RNF8: variants seen among roughly 807,000 people sequenced by gnomAD.
RNF8 encodes the protein E3 ubiquitin-protein ligase RNF8.
RNF8 carries 8 observed loss-of-function variants against 59.3 expected under a neutral mutation model. That is an observed-to-expected ratio of 0.13 (90% confidence interval 0.08 to 0.24). The LOEUF is 0.24. RNF8 is among the 10% of genes least tolerant of loss of function. The probability of loss-of-function intolerance (pLI) is 1.00; values close to 1 mark genes in which losing one functional copy is unlikely to be tolerated. For missense variants in RNF8, 406 were observed against 572.6 expected, an observed-to-expected ratio of 0.71 and a Z score of 2.97; for synonymous variants, 162 against 200.0, an observed-to-expected ratio of 0.81 and a Z score of 1.60.
chr6:37,359,289 A>T (rs923699686), intron 1 of RNF8: 3 of 430,794 alleles, frequency 7.0e-6, no homozygotes, highest in Non-Finnish European at 1.4e-5. Flanking sequence ...TGGATAAGAC[A>T]GAGAATATGT....
At chr6:37,384,264 C>T (rs1187293715) in intron 7 of RNF8, among the ~76,000 whole-genome samples, 1 of 151,980 alleles carries the variant, frequency 6.6e-6, no homozygotes, top group East Asian at 1.9e-4. Flanking sequence ...CCTCAGCCTC[C>T]TGGGTAGCTA....
At chr6:37,382,395 G>A (rs923559916) in intron 7 of RNF8, among the ~76,000 whole-genome samples, 10 of 152,198 alleles carry the variant, frequency 6.6e-5, no homozygotes, top group African/African-American at 2.2e-4. Flanking sequence ...GGCATGAGAA[G>A]CAGTGACCTG....
At chr6:37,358,832 C>G (rs954731707) in intron 1 of RNF8, among the ~76,000 whole-genome samples, 57 of 152,242 alleles carry the variant, frequency 3.7e-4, no homozygotes, top group African/African-American at 1.3e-3. Flanking sequence ...CGCGGTGGCT[C>G]ACACCTGTAA....
At position 37,355,392 on chromosome 6, in the gene RNF8, T is replaced by C. The variant is rs116146155; in HGVS notation, c.111+1117T>C. Among the ~76,000 whole-genome samples, 227 of 152,336 alleles carry C rather than the reference T, an allele frequency of 1.5e-3. 1 individual carries two copies. Among genetic ancestry groups the C allele is most frequent in the African/African-American group, 5.3e-3 (219 of 41,578 alleles). ...TATAAGCCGTACTGCCTCAATTCAG[T>C]CTGCCAGGTATTTACTGAGTATTTA... On this transcript the variant is annotated intron_variant, in intron 1 of 7. Coordinates refer to ENST00000373479, the MANE Select transcript of RNF8 (RefSeq NM_003958.4).
chr6:37,354,628 G>A (rs901724125), intron 1 of RNF8, among the ~76,000 whole-genome samples: 5 of 152,162 alleles, frequency 3.3e-5, no homozygotes, highest in East Asian at 1.9e-4. Flanking sequence ...AGCGGGCCCC[G>A]TCCAGAGAGG....
intron 2 of RNF8, chr6:37,361,654 T>C: frequency 3.3e-6 from 1 of 304,222 alleles, no homozygotes; most frequent in Non-Finnish European, 6.4e-6. Context: ...GTTAGGATTT[T>C]AAAGGTACCA....
chr6:37,366,678 C>T (rs1247980806), intron 2 of RNF8, among the ~76,000 whole-genome samples: 2 of 147,840 alleles, frequency 1.4e-5, no homozygotes, highest in African/African-American at 4.9e-5. Flanking sequence ...TGGTCAAGCC[C>T]CCTGTCCCTC....
chr6:37,376,044 C>T (rs892481128), intron 5 of RNF8, among the ~76,000 whole-genome samples: 1 of 152,160 alleles, frequency 6.6e-6, no homozygotes, highest in Admixed American at 6.5e-5. Flanking sequence ...TGTCTCCAGC[C>T]TTCTGCCTCC....
At chr6:37,362,543 G>A (rs546198540) in intron 2 of RNF8, among the ~76,000 whole-genome samples, 1 of 152,252 alleles carries the variant, frequency 6.6e-6, no homozygotes, top group African/African-American at 2.4e-5. Flanking sequence ...CTAGGACTGG[G>A]GTGTTTTGAT....
chr6:37,383,337 T>G (rs1770356130), intron 7 of RNF8, among the ~76,000 whole-genome samples: 1 of 152,242 alleles, frequency 6.6e-6, no homozygotes, highest in Admixed American at 6.5e-5. Context: ...ATTCTCAGTT[T>G]AAATACCAAC....
intron 7 of RNF8, among the ~76,000 whole-genome samples, chr6:37,385,427 G>A (rs182056606): frequency 6.7e-6 from 1 of 149,708 alleles, no homozygotes; most frequent in Non-Finnish European, 1.5e-5. Flanking sequence ...AGGAGTTTGA[G>A]ACCAGCCTGA....
intron 2 of RNF8, 111 bp from the exon 3 acceptor site, chr6:37,368,373 T>C: frequency 1.9e-6 from 3 of 1,608,824 alleles, no homozygotes; most frequent in Non-Finnish European, 2.5e-6. Context: ...CTATTTGTTA[T>C]CAAGAGTTTT....
At chr6:37,355,868 C>A (rs1769095400) in intron 1 of RNF8, among the ~76,000 whole-genome samples, 1 of 152,116 alleles carries the variant, frequency 6.6e-6, no homozygotes. Context: ...TGAATAATAA[C>A]CTGAATAATA....
At chr6:37,358,845 C>G (rs1487021259) in intron 1 of RNF8, among the ~76,000 whole-genome samples, 1 of 151,992 alleles carries the variant, frequency 6.6e-6, no homozygotes, top group Non-Finnish European at 1.5e-5. Context: ...ACCTGTAATC[C>G]CAGCACTGTG....
chr6:37,386,083 G>A (rs750876125), intron 7 of RNF8, among the ~76,000 whole-genome samples: 2 of 150,196 alleles, frequency 1.3e-5, no homozygotes, highest in African/African-American at 2.4e-5. Flanking sequence ...CAATCCACCC[G>A]CCTCAGCCTC....
intron 4 of RNF8, 72 bp from the exon 5 acceptor site, chr6:37,374,548 A>C: frequency 9.0e-7 from 1 of 1,108,914 alleles, no homozygotes; most frequent in Admixed American, 1.8e-5. Flanking sequence ...GGGAGAGAAC[A>C]GGCATGTTTG....
chr6:37,376,923 C>T lies in RNF8; in HGVS notation c.1129-3C>T, dbSNP rs1221695169. On this transcript the variant is annotated splice_region_variant and splice_polypyrimidine_tract_variant and intron_variant, in intron 5 of 7. Coordinates refer to ENST00000373479, the MANE Select transcript of RNF8 (RefSeq NM_003958.4). ...ATGACAGGTAGGATTGTGTGTCTTGCAGGAAGAGAAGGAGAAGATGCAAGC... is the reference window on the plus strand; with the variant it reads ...ATGACAGGTAGGATTGTGTGTCTTGTAGGAAGAGAAGGAGAAGATGCAAGC... 1 of 1,606,920 alleles carries T rather than the reference C, an allele frequency of 6.2e-7. No homozygotes were observed. Among genetic ancestry groups the T allele is most frequent in the Non-Finnish European group, 8.5e-7 (1 of 1,173,722 alleles).
intron 2 of RNF8, among the ~76,000 whole-genome samples, chr6:37,363,862 A>G (rs895673345): frequency 2.0e-5 from 3 of 152,222 alleles, no homozygotes; most frequent in Non-Finnish European, 4.4e-5. Context: ...ATATCTAATA[A>G]CATGGATAAA....
At chr6:37,377,101 T>C (rs1770053737) in intron 6 of RNF8, 68 bp downstream of exon 6, 1 of 809,070 alleles carries the variant, frequency 1.2e-6, no homozygotes, top group South Asian at 1.7e-5. Flanking sequence ...AGACAGAGTC[T>C]CACTCTGTCA....
Sources: allele counts gnomAD v4.1 joint callset (sites outside exome capture counted in the v4.1 genomes callset), GRCh38; gene constraint gnomAD v4.1.1; transcripts MANE v1.5; gene names NCBI Gene and HGNC (gene_info 2026-07-23, HGNC 2026-07-21).